The following UBE2L3 variants were observed in gnomAD, a reference collection of about 807,000 sequenced individuals.
UBE2L3 encodes the protein ubiquitin-conjugating enzyme E2 L3.
Under a neutral mutation model 17.8 loss-of-function variants are expected in UBE2L3, and 1 was observed. The ratio of observed to expected loss-of-function variants is 0.06; its 90% CI spans 0.02 to 0.27. The LOEUF (loss-of-function observed/expected upper bound fraction) is 0.27. Among genes scored for constraint, UBE2L3 ranks in the 10% least tolerant of loss-of-function variants. The pLI, the probability that UBE2L3 is intolerant of heterozygous loss-of-function variation, is 1.00. For missense variants in UBE2L3, 40 were observed against 192.6 expected, an observed-to-expected ratio of 0.21 and a Z score of 4.69; for synonymous variants, 44 against 68.5, an observed-to-expected ratio of 0.64 and a Z score of 1.76.
chr22:21,582,358 TG>T (rs1187261459), intron 1 of UBE2L3, among the ~76,000 whole-genome samples: 3 of 150,116 alleles, frequency 2.0e-5, no homozygotes, highest in Non-Finnish European at 3.0e-5. Context: ...TTTTTGTTGT[TG>T]TTTTTTTTTT....
intron 3 of UBE2L3, chr22:21,614,485 TA>T: frequency 1.0e-6 from 1 of 994,624 alleles, no homozygotes; most frequent in Non-Finnish European, 1.4e-6. Context: ...CCTCCTGCTG[TA>T]ATCTTCCAGC....
intron 3 of UBE2L3, among the ~76,000 whole-genome samples, chr22:21,619,851 C>G (rs946938456): frequency 2.0e-5 from 3 of 152,174 alleles, no homozygotes; most frequent in African/African-American, 7.2e-5. Flanking sequence ...GCCACCATGC[C>G]TGGCTAATTT....
intron 1 of UBE2L3, among the ~76,000 whole-genome samples, chr22:21,575,631 CTTTTTTTTT>C (rs533923826): frequency 5.7e-4 from 42 of 73,428 alleles, no homozygotes; most frequent in Admixed American, 2.3e-3. Flanking sequence ...AGTTGAATAG[CTTTTTTTTT>C]TTTTTTTTTT....
chr22:21,557,124 G>T (rs1601380686), intron 1 of UBE2L3, among the ~76,000 whole-genome samples: 1 of 152,258 alleles, frequency 6.6e-6, no homozygotes, highest in South Asian at 2.1e-4. Flanking sequence ...CACCACTATG[G>T]GAGGCTGAGA....
At chr22:21,560,595 C>T (rs1241757433) in intron 1 of UBE2L3, among the ~76,000 whole-genome samples, 2 of 150,566 alleles carry the variant, frequency 1.3e-5, no homozygotes, top group Non-Finnish European at 2.9e-5. Flanking sequence ...GGATTACAGG[C>T]GCATGCCACC....
At chr22:21,568,793 G>C (rs752232296) in intron 1 of UBE2L3, among the ~76,000 whole-genome samples, 1 of 152,128 alleles carries the variant, frequency 6.6e-6, no homozygotes, top group African/African-American at 2.4e-5. Flanking sequence ...GCTGGGGTTC[G>C]TTCTAGGCGG....
rs5998690 is a variant in UBE2L3 at position 21,616,302 on chromosome 22, T to G, written c.311-5213T>G. Among the ~76,000 whole-genome samples, 919 of 152,236 alleles carry G rather than the reference T, an allele frequency of 6.0e-3. 6 individuals carry two copies. The highest frequency in any genetic ancestry group is 0.021 in the African/African-American group (862 of 41,554). On this transcript the variant is annotated intron_variant, in intron 3 of 3. Coordinates refer to ENST00000342192, the MANE Select transcript of UBE2L3 (RefSeq NM_003347.4). ...AAGTAGATTAGTGATTGTCAGGGTCTAGGAGGAGGAGAATAGGAAGTGACT... is the reference window on the plus strand; with the variant it reads ...AAGTAGATTAGTGATTGTCAGGGTCGAGGAGGAGGAGAATAGGAAGTGACT...
chr22:21,588,978 G>A (rs1928105050), intron 1 of UBE2L3, among the ~76,000 whole-genome samples: 1 of 151,772 alleles, frequency 6.6e-6, no homozygotes, highest in Non-Finnish European at 1.5e-5. Flanking sequence ...TTTTTTAGTG[G>A]AGACAGTGTT....
At chr22:21,618,526 T>A (rs973122811) in intron 3 of UBE2L3, among the ~76,000 whole-genome samples, 1 of 151,530 alleles carries the variant, frequency 6.6e-6, no homozygotes, top group African/African-American at 2.4e-5. Context: ...GATTGTGAGC[T>A]GTGATTGTGC....
chr22:21,571,266 G>T (rs572880308), intron 1 of UBE2L3, among the ~76,000 whole-genome samples: 1 of 152,304 alleles, frequency 6.6e-6, no homozygotes, highest in South Asian at 2.1e-4. Flanking sequence ...GCAACTGATT[G>T]CCATCTGATC....
chr22:21,568,485 A>G (rs1306110368), intron 1 of UBE2L3: 111 of 953,912 alleles, frequency 1.2e-4, no homozygotes, highest in Non-Finnish European at 1.3e-4. Context: ...ATAAAGTGCC[A>G]TTTTTGGGGG....
chr22:21,552,047 TCTGA>T (rs1926088886), intron 1 of UBE2L3, among the ~76,000 whole-genome samples: 1 of 133,370 alleles, frequency 7.5e-6, no homozygotes, highest in African/African-American at 3.1e-5. Context: ...ACACTGCCTC[TCTGA>T]CTGGTGGCCA....
chr22:21,613,641 T>C (rs1399246677), intron 3 of UBE2L3, among the ~76,000 whole-genome samples: 1 of 152,222 alleles, frequency 6.6e-6, no homozygotes, highest in Non-Finnish European at 1.5e-5. Context: ...ATCAAAACTT[T>C]GTGGCTTAAA....
intron 2 of UBE2L3, among the ~76,000 whole-genome samples, chr22:21,600,157 C>CA (rs1338491319): frequency 1.3e-5 from 2 of 150,352 alleles, no homozygotes; most frequent in South Asian, 2.1e-4. Context: ...ACTAAAAATA[C>CA]AAAAAATTAG....
intron 3 of UBE2L3, among the ~76,000 whole-genome samples, chr22:21,614,237 G>A (rs766445501): frequency 4.6e-5 from 7 of 152,162 alleles, no homozygotes; most frequent in South Asian, 2.1e-4. Flanking sequence ...GTCCTGCAAA[G>A]CCTGCCTTTT....
chr22:21,592,787 A>G (rs1928332447), intron 1 of UBE2L3, 74 bp from the exon 2 acceptor site: 2 of 1,186,932 alleles, frequency 1.7e-6, no homozygotes, highest in South Asian at 1.2e-5. Flanking sequence ...GTTTAATTTG[A>G]GGGCATCAGG....
intron 3 of UBE2L3, among the ~76,000 whole-genome samples, chr22:21,618,881 C>T (rs1009497313): frequency 2.0e-5 from 3 of 152,124 alleles, no homozygotes; most frequent in African/African-American, 7.2e-5. Flanking sequence ...TGTGAGCCAC[C>T]AACCTCTGCA....
chr22:21,610,613 T>C (rs1446490514), intron 2 of UBE2L3, among the ~76,000 whole-genome samples: 2 of 152,146 alleles, frequency 1.3e-5, no homozygotes, highest in African/African-American at 4.8e-5. Flanking sequence ...AAAAGTAAAG[T>C]CTATTTTTTA....
Position 21,575,631 on chromosome 22 carries a change from C to CTTTTTTTTT in UBE2L3, c.27+7880_27+7888dup, listed in dbSNP as rs533923826. 1.6e-4 allele frequency among the ~76,000 whole-genome samples: 12 copies of CTTTTTTTTT among 73,394 alleles called. 1 individual carries two copies. Among genetic ancestry groups the CTTTTTTTTT allele is most frequent in the African/African-American group, 5.2e-4 (9 of 17,330 alleles). 48.1% of individuals were successfully genotyped at this position (73,394 alleles called of 152,430 possible). On this transcript the variant is annotated intron_variant, in intron 1 of 3. Transcript: ENST00000342192. ...TACTTTTCCCAACAAAGTTGAATAG[C>CTTTTTTTTT]TTTTTTTTTTTTTTTTTTTTTTTTT...
Sources: allele counts gnomAD v4.1 joint callset (sites outside exome capture counted in the v4.1 genomes callset), GRCh38; gene constraint gnomAD v4.1.1; transcripts MANE v1.5; gene names NCBI Gene and HGNC (gene_info 2026-07-23, HGNC 2026-07-21).